GNAI2: variants seen among roughly 807,000 people sequenced by gnomAD.
GNAI2 encodes G protein subunit alpha i2, also known as guanine nucleotide-binding protein G(i) subunit alpha-2.
GNAI2 carries 4 observed loss-of-function variants against 36.8 expected under a neutral mutation model. The observed-to-expected ratio is 0.11, with a 90% CI of 0.05 to 0.25. The LOEUF (loss-of-function observed/expected upper bound fraction) is 0.25. Ranked by LOEUF, GNAI2 falls within the 10% of genes least tolerant of loss-of-function variation. GNAI2 has a pLI of 1.00. For missense variants in GNAI2, 230 were observed against 481.3 expected, an observed-to-expected ratio of 0.48 and a Z score of 4.89; for synonymous variants, 194 against 194.1, an observed-to-expected ratio of 1.00 and a Z score of 0.01.
chr3:50,230,729 C>T (rs1187745363), upstream of GNAI2: 44 of 849,202 alleles, frequency 5.2e-5, 1 homozygote, highest in South Asian at 5.4e-4. Context: ...AGGGGCCACC[C>T]TCAACTCTGC....
At position 50,257,364 on chromosome 3, in the gene GNAI2, C is replaced by T. The variant is rs1475728013; in HGVS notation, c.878-136C>T. The T allele has an allele frequency of 2.9e-5, 19 of 657,874 alleles. No homozygotes were observed. The Middle Eastern group carries it at 2.5e-3, about 88-fold the overall frequency. 40.8% of individuals were successfully genotyped at this position (657,874 alleles called of 1,614,324 possible). Reference sequence around the variant, plus strand: ...CACATCTGGCATGTATGGGCAGCCACAAACATTGTCATATTATGCACATGC... The same window carrying T: ...CACATCTGGCATGTATGGGCAGCCATAAACATTGTCATATTATGCACATGC... On this transcript the variant is annotated intron_variant, in intron 7 of 8. Transcript: ENST00000313601.
chr3:50,255,107 T>A lies in GNAI2; in HGVS notation c.465-1085T>A, dbSNP rs1158052820. ...CATGGCCCTTCCTGTTTTTCTGTTT[T>A]GTCCCTGCTACTCTGAGATCATTTC... On this transcript the variant is annotated intron_variant, in intron 4 of 8. Transcript: ENST00000313601. This position sits in a 1 kb window ranked among gnomAD's most constrained non-coding sequence, Gnocchi z 4.0. Among the ~76,000 whole-genome samples, 1 of 152,218 alleles carries A rather than the reference T, an allele frequency of 6.6e-6. No homozygotes were observed. Among genetic ancestry groups the A allele is most frequent in the Non-Finnish European group, 1.5e-5 (1 of 68,036 alleles).
rs1553701244 is a variant in GNAI2 at position 50,242,271 on chromosome 3, G to A, written c.118+5818G>A. 6.6e-6 allele frequency among the ~76,000 whole-genome samples: 1 copy of A among 152,106 alleles called. No homozygotes were observed. Among genetic ancestry groups the A allele is most frequent in the African/African-American group, 2.4e-5 (1 of 41,428 alleles). On this transcript the variant is annotated intron_variant, in intron 1 of 8. Coordinates refer to ENST00000313601, the MANE Select transcript of GNAI2 (RefSeq NM_002070.4). This position sits in a 1 kb window ranked among gnomAD's most constrained non-coding sequence, Gnocchi z 4.8. ...TGCTGCCTCCCCTACATCCCGTTGT[G>A]CTGTGGGGGGAGGCAGGACCGGGCA...
intron 1 of GNAI2, chr3:50,247,203 C>G (rs1700446220): frequency 1.6e-6 from 1 of 630,052 alleles, no homozygotes; most frequent in African/African-American, 1.8e-5. Context: ...CAGAAGGAGA[C>G]AGCGTTGTCC....
chr3:50,236,111 C>G (rs1313381832), upstream of GNAI2: 6 of 1,004,568 alleles, frequency 6.0e-6, no homozygotes, highest in Non-Finnish European at 7.4e-6. The surrounding 1 kb of genome is among the most constrained non-coding windows in gnomAD (Gnocchi z 4.0). Context: ...GCCTGCAAGC[C>G]CGCCCCGGCC....
upstream of GNAI2, among the ~76,000 whole-genome samples, chr3:50,227,791 AGGTTGCACCCTGCGC>A (rs1392927014): frequency 5.9e-5 from 9 of 152,302 alleles, no homozygotes; most frequent in South Asian, 2.1e-4. The surrounding 1 kb of genome is among the most constrained non-coding windows in gnomAD (Gnocchi z 5.9). Flanking sequence ...GCACCCTGCA[AGGTTGCACCCTGCGC>A]AGCTCTCGGT....
chr3:50,251,468 G>T, intron 1 of GNAI2: 1 of 1,050,244 alleles, frequency 9.5e-7, no homozygotes, highest in Non-Finnish European at 1.2e-6. Context: ...CCAGATTCAT[G>T]AGTCAGTACG....
intron 1 of GNAI2, chr3:50,251,677 G>A (rs1553702483): frequency 5.9e-6 from 8 of 1,344,794 alleles, no homozygotes; most frequent in Non-Finnish European, 7.9e-6. Context: ...CTGTTGGATG[G>A]AGTATGCAGG....
At position 50,257,654 on chromosome 3, in the gene GNAI2, C is replaced by A; in HGVS notation, c.1032C>A (p.Ile344=). The change falls in exon 8 of 9, where the codon ATC becomes ATA. Residue 344 remains isoleucine, a synonymous_variant. Coordinates refer to ENST00000313601, the MANE Select transcript of GNAI2 (RefSeq NM_002070.4). ...TGTTTGACGCCGTCACCGATGTCAT[C>A]ATCAAGAACAACCTGAAGGACTGCG... The part of the protein sequence containing the change: ...QFVFDAVTDV[I]IKNNLKDCGL... The A allele has an allele frequency of 1.2e-6, 2 of 1,600,344 alleles. No homozygotes were observed. The highest frequency in any genetic ancestry group is 1.1e-5 in the South Asian group (1 of 89,236).
In GNAI2 at chr3:50,258,723, G is replaced by A. The variant is rs1553703641; in HGVS notation, c.*380G>A. The A allele has an allele frequency of 1.1e-5, 4 of 358,254 alleles. No individual in the cohort carries two copies. Among genetic ancestry groups the A allele is most frequent in the Non-Finnish European group, 1.1e-5 (2 of 184,602 alleles). 22.2% of individuals were successfully genotyped at this position (358,254 alleles called of 1,614,324 possible). On this transcript the variant is annotated 3_prime_UTR_variant, in exon 9 of 9. Coordinates refer to ENST00000313601, the MANE Select transcript of GNAI2 (RefSeq NM_002070.4). The stretch of plus-strand genomic sequence containing the variant: ...GGACCCCCAGCTTTGCCCAACACCA[G>A]CCCCTGCCCCAGCCCAAGTCCAAAT...
Position 50,252,676 on chromosome 3 carries a change from C to G in GNAI2, c.303+138C>G, listed in dbSNP as rs1000215613. Reference sequence around the variant, plus strand: ...CACCTGAGGTCAGGACCAGCCTGGCCAACTTGGTGAAACCGCGTCTCTACT... The same window carrying G: ...CACCTGAGGTCAGGACCAGCCTGGCGAACTTGGTGAAACCGCGTCTCTACT... On this transcript the variant is annotated intron_variant, in intron 3 of 8. Transcript: ENST00000313601. This position sits in a 1 kb window ranked among gnomAD's most constrained non-coding sequence, Gnocchi z 4.1. 11 of 706,144 alleles carry G rather than the reference C, an allele frequency of 1.6e-5. No individual in the cohort carries two copies. The African/African-American group carries it at 1.8e-4, about 11-fold the overall frequency. 43.7% of individuals were successfully genotyped at this position (706,144 alleles called of 1,614,324 possible).
chr3:50,257,768 G>A, intron 8 of GNAI2, 54 bp downstream of exon 8: 1 of 582,132 alleles, frequency 1.7e-6, no homozygotes, highest in East Asian at 7.0e-5. Flanking sequence ...CGGGCCTGGA[G>A]CCCCAGCAGG....
chr3:50,240,079 A>C (rs1700265339), intron 1 of GNAI2: 1 of 152,300 alleles, frequency 6.6e-6, no homozygotes, highest in Non-Finnish European at 1.5e-5. Flanking sequence ...GTATATGGAC[A>C]GAATGAAGTG....
At chr3:50,250,243 C>A (rs1025513247) in intron 1 of GNAI2, among the ~76,000 whole-genome samples, 1 of 152,150 alleles carries the variant, frequency 6.6e-6, no homozygotes, top group Non-Finnish European at 1.5e-5. Context: ...TATAGCTTTG[C>A]TGTCGATATT....
chr3:50,252,202 G>A lies in GNAI2; in HGVS notation c.161+60G>A, dbSNP rs1553702563. The A allele has an allele frequency of 2.6e-6, 4 of 1,527,468 alleles. No homozygotes were observed. Among genetic ancestry groups the A allele is most frequent in the African/African-American group, 2.7e-5 (2 of 73,320 alleles). 94.6% of individuals were successfully genotyped at this position (1,527,468 alleles called of 1,614,324 possible). On this transcript the variant is annotated intron_variant, in intron 2 of 8. Coordinates refer to ENST00000313601, the MANE Select transcript of GNAI2 (RefSeq NM_002070.4). This position sits in a 1 kb window ranked among gnomAD's most constrained non-coding sequence, Gnocchi z 4.1. ...CCAGCTTCCCCTCTTCACCCTCTGGGCCTGCACTGCCCCCGACTACAGGCC... is the reference window on the plus strand; with the variant it reads ...CCAGCTTCCCCTCTTCACCCTCTGGACCTGCACTGCCCCCGACTACAGGCC...
chr3:50,247,601 C>T (rs1332604380), intron 1 of GNAI2, among the ~76,000 whole-genome samples: 2 of 152,196 alleles, frequency 1.3e-5, no homozygotes, highest in African/African-American at 2.4e-5. Context: ...TACTGTCTCC[C>T]TTCTCTCATC....
upstream of GNAI2, among the ~76,000 whole-genome samples, chr3:50,231,660 G>C (rs2109172007): frequency 6.6e-6 from 1 of 152,344 alleles, no homozygotes; most frequent in African/African-American, 2.4e-5. Context: ...CCCACGACCA[G>C]AATAGTGGGA....
chr3:50,240,611 G>A lies in GNAI2; in HGVS notation c.118+4158G>A, dbSNP rs587739818. ...TATGGGGACAGTCTACCAAAGCTTG[G>A]AGGTATGAAAAATGGGTGAGGGAGG... On this transcript the variant is annotated intron_variant, in intron 1 of 8. Coordinates refer to ENST00000313601, the MANE Select transcript of GNAI2 (RefSeq NM_002070.4). Among the ~76,000 whole-genome samples the A allele has an allele frequency of 6.6e-5, 10 of 152,202 alleles. No homozygotes were observed. In the South Asian group the frequency reaches 2.1e-3, roughly 32 times the overall value.
At chr3:50,235,441 T>G (rs1316352937), upstream of GNAI2, among the ~76,000 whole-genome samples, 1 of 151,752 alleles carries the variant, frequency 6.6e-6, no homozygotes, top group Non-Finnish European at 1.5e-5. Context: ...CGCCTCAGCC[T>G]CCTGAGCAGG....
Sources: allele counts gnomAD v4.1 joint callset (sites outside exome capture counted in the v4.1 genomes callset), GRCh38; gene constraint gnomAD v4.1.1; non-coding constraint Gnocchi (gnomAD v3.1); transcripts MANE v1.5; gene names NCBI Gene and HGNC (gene_info 2026-07-23, HGNC 2026-07-21).